Variants in TENM4 observed in about 807,000 individuals in gnomAD.
TENM4 encodes teneurin-4.
A neutral mutation model predicts 243.3 loss-of-function variants in TENM4; 82 were observed. The observed-to-expected ratio is 0.34, with a 90% confidence interval of 0.28 to 0.40. The LOEUF is 0.40. Among genes scored for constraint, TENM4 ranks in the 10% least tolerant of loss-of-function variants. TENM4 has a pLI of 1.00. For synonymous variants in TENM4, 1,412 were observed against 1,456.3 expected, an observed-to-expected ratio of 0.97 and a Z score of 0.69; for missense variants, 3,138 against 3,673.3, an observed-to-expected ratio of 0.85 and a Z score of 3.77.
chr11:79,118,133 C>T (rs1861658949), intron 4 of TENM4, among the ~76,000 whole-genome samples: 1 of 152,268 alleles, frequency 6.6e-6, no homozygotes, highest in East Asian at 1.9e-4. Context: ...AATTGAGGTT[C>T]AGAGGCTAAG....
At chr11:79,429,546 T>C (rs559572038) in intron 1 of TENM4, among the ~76,000 whole-genome samples, 41 of 151,616 alleles carry the variant, frequency 2.7e-4, no homozygotes, top group African/African-American at 9.9e-4. Context: ...ACTTCTATTT[T>C]CTATTTTCTA....
intron 25 of TENM4, among the ~76,000 whole-genome samples, chr11:78,717,539 T>A (rs971280410): frequency 1.3e-5 from 2 of 152,228 alleles, no homozygotes; most frequent in African/African-American, 2.4e-5. Context: ...TTTCTGAAGC[T>A]GAGAAATGGG....
intron 33 of TENM4, among the ~76,000 whole-genome samples, chr11:78,661,029 C>G (rs1025334883): frequency 1.3e-5 from 2 of 152,182 alleles, no homozygotes; most frequent in African/African-American, 4.8e-5. Context: ...AGGCACGAGT[C>G]TGTAAAATGA....
At chr11:78,814,184 C>T (rs1025856814) in intron 13 of TENM4, 110 bp downstream of exon 13, 20 of 1,026,350 alleles carry the variant, frequency 1.9e-5, no homozygotes, top group African/African-American at 9.9e-5. Flanking sequence ...AAACCCTTCT[C>T]GTGGGCATCA....
At chr11:78,767,802 A>G (rs1164860915) in intron 18 of TENM4, among the ~76,000 whole-genome samples, 1 of 152,230 alleles carries the variant, frequency 6.6e-6, no homozygotes, top group East Asian at 1.9e-4. Context: ...CATGGCTGAA[A>G]TAAAGGCACT....
At chr11:79,337,856 G>A (rs569518418) in intron 1 of TENM4, among the ~76,000 whole-genome samples, 5 of 152,260 alleles carry the variant, frequency 3.3e-5, no homozygotes, top group Non-Finnish European at 5.9e-5. Context: ...AGTGGGTATC[G>A]CTATCCACAC....
At chr11:79,367,838 T>G (rs775434248) in intron 1 of TENM4, among the ~76,000 whole-genome samples, 3 of 152,196 alleles carry the variant, frequency 2.0e-5, no homozygotes. Flanking sequence ...AAAGCAACAA[T>G]TTGCAAAGTT....
At chr11:79,057,833 T>C (rs537841204) in intron 6 of TENM4, among the ~76,000 whole-genome samples, 22 of 152,156 alleles carry the variant, frequency 1.4e-4, no homozygotes, top group Non-Finnish European at 2.5e-4. Context: ...CCTAGCCTCA[T>C]ATGACAAACC....
intron 6 of TENM4, among the ~76,000 whole-genome samples, chr11:79,036,917 A>C (rs1044422517): frequency 6.7e-6 from 1 of 148,428 alleles, no homozygotes; most frequent in Non-Finnish European, 1.5e-5. Flanking sequence ...AGGCTGAGGC[A>C]GGAGAATGGC....
At chr11:79,012,210 T>C (rs1381047101) in intron 6 of TENM4, among the ~76,000 whole-genome samples, 1 of 152,352 alleles carries the variant, frequency 6.6e-6, no homozygotes, top group Middle Eastern at 3.4e-3. Flanking sequence ...AAAGTCACCA[T>C]GAGAGTGGCC....
intron 2 of TENM4, among the ~76,000 whole-genome samples, chr11:79,217,956 T>G (rs1458803883): frequency 6.6e-6 from 1 of 152,150 alleles, no homozygotes; most frequent in Non-Finnish European, 1.5e-5. Flanking sequence ...CTTCAGGTGA[T>G]CCACCTGCCT....
At chr11:79,145,560 T>C (rs1370290344) in intron 4 of TENM4, among the ~76,000 whole-genome samples, 1 of 152,130 alleles carries the variant, frequency 6.6e-6, no homozygotes, top group Non-Finnish European at 1.5e-5. Flanking sequence ...ATGTGCAATA[T>C]TCCACTATGT....
chr11:79,045,546 T>C (rs569331855), intron 6 of TENM4, among the ~76,000 whole-genome samples: 48 of 152,114 alleles, frequency 3.2e-4, no homozygotes, highest in Non-Finnish European at 6.8e-4. Flanking sequence ...CCCACCCCCT[T>C]ACTGACAGGT....
intron 1 of TENM4, among the ~76,000 whole-genome samples, chr11:79,360,778 A>G (rs1480910767): frequency 6.6e-6 from 1 of 152,210 alleles, no homozygotes; most frequent in Admixed American, 6.5e-5. Flanking sequence ...CTGAGCGATC[A>G]TCTTAAAGTG....
intron 12 of TENM4, among the ~76,000 whole-genome samples, chr11:78,851,611 G>A (rs191510869): frequency 6.6e-6 from 1 of 151,914 alleles, no homozygotes; most frequent in East Asian, 1.9e-4. Flanking sequence ...TGTAAACCAC[G>A]CTTAAGGGAA....
chr11:78,712,935 GCAAGAACCCCTTGC>G (rs1859435246), intron 25 of TENM4, among the ~76,000 whole-genome samples: 2 of 133,258 alleles, frequency 1.5e-5, no homozygotes, highest in Admixed American at 7.1e-5. Context: ...TGCAATTCTT[GCAAGAACCCCTTGC>G]ACTATTCTTG....
intron 6 of TENM4, among the ~76,000 whole-genome samples, chr11:79,013,029 A>G (rs1858685726): frequency 6.6e-6 from 1 of 152,228 alleles, no homozygotes. Flanking sequence ...ACACTACACC[A>G]GACTGATACA....
chr11:79,142,294 A>G (rs1862301325), intron 4 of TENM4, among the ~76,000 whole-genome samples: 1 of 152,156 alleles, frequency 6.6e-6, no homozygotes, highest in South Asian at 2.1e-4. Context: ...TGCAGGGTAC[A>G]AAATCAATGT....
At chr11:79,394,061 A>G (rs533178007) in intron 1 of TENM4, among the ~76,000 whole-genome samples, 14 of 152,178 alleles carry the variant, frequency 9.2e-5, no homozygotes, top group Admixed American at 2.6e-4. Context: ...GCAGCTTGGA[A>G]TGAGGTACAG....
Sources: allele counts gnomAD v4.1 joint callset (sites outside exome capture counted in the v4.1 genomes callset), GRCh38; gene constraint gnomAD v4.1.1; transcripts MANE v1.5; gene names NCBI Gene and HGNC (gene_info 2026-07-23, HGNC 2026-07-21).